The following ANO6 variants were observed in gnomAD, a reference collection of about 807,000 sequenced individuals.
ANO6 encodes anoctamin 6, also known as anoctamin-6.
Under a neutral mutation model 117.5 loss-of-function variants are expected in ANO6, and 106 were observed. The ratio of observed to expected loss-of-function variants is 0.90; its 90% CI spans 0.77 to 1.06. The LOEUF (loss-of-function observed/expected upper bound fraction) is 1.06. Ranked by LOEUF, ANO6 falls within the 50% of genes least tolerant of loss-of-function variation. The probability of loss-of-function intolerance (pLI) is 0.00; values close to 1 mark genes in which losing one functional copy is unlikely to be tolerated. For missense variants in ANO6, 955 were observed against 1,121.1 expected, an observed-to-expected ratio of 0.85 and a Z score of 2.12; for synonymous variants, 367 against 385.1, an observed-to-expected ratio of 0.95 and a Z score of 0.55.
At position 45,348,216 on chromosome 12, in the gene ANO6, G is replaced by A. The variant is rs557069044; in HGVS notation, c.534G>A (p.Glu178=). Residue 178 remains glutamate (E), a synonymous_variant, in exon 5 of 20, where the codon GAG becomes GAA. Coordinates refer to ENST00000320560, the MANE Select transcript of ANO6 (RefSeq NM_001025356.3). The stretch of plus-strand genomic sequence containing the variant: ...TAGACGAAAGCATCATCAAGCCAGA[G>A]CAAGAGTTTTTCACTGCCCCATTTG... The part of the protein sequence containing the change: ...LSVDESIIKP[E]QEFFTAPFEK... 78 of 1,613,988 alleles carry A rather than the reference G, an allele frequency of 4.8e-5. No individual in the cohort carries two copies. In the South Asian group the frequency reaches 8.0e-4, roughly 17 times the overall value.
intron 15 of ANO6, among the ~76,000 whole-genome samples, chr12:45,408,515 A>G (rs1334190899): frequency 6.6e-6 from 1 of 152,254 alleles, no homozygotes; most frequent in East Asian, 1.9e-4. Flanking sequence ...GCGGGGCAGT[A>G]TCCACGGGTG....
intron 1 of ANO6, among the ~76,000 whole-genome samples, chr12:45,250,526 A>G (rs1348087401): frequency 2.0e-5 from 3 of 151,960 alleles, no homozygotes; most frequent in African/African-American, 7.3e-5. Context: ...TTGAGTAGCT[A>G]GGAGTATAGG....
At chr12:45,332,570 C>G (rs1276060559) in intron 3 of ANO6, among the ~76,000 whole-genome samples, 1 of 152,008 alleles carries the variant, frequency 6.6e-6, no homozygotes, top group East Asian at 1.9e-4. Flanking sequence ...TTCTGCCACT[C>G]TGTTGGAGTA....
Position 45,401,810 on chromosome 12 carries a change from G to C in ANO6, c.1402G>C (p.Ala468Pro), listed in dbSNP as rs551219497. The C allele has an allele frequency of 1.9e-6, 3 of 1,612,990 alleles. No individual in the cohort carries two copies. Among genetic ancestry groups the C allele is most frequent in the Non-Finnish European group, 2.5e-6 (3 of 1,179,748 alleles). The change falls in exon 13 of 20, where the codon GCT becomes CCT. Residue 468 changes from alanine (A) to proline (P), a missense_variant. Transcript: ENST00000320560. ...GTGCTTTCAGATCCTATTGATCATC[G>C]CTTCAGTTATTGGGATCATTGTCTA... Reference protein sequence around the residue: ...AVFFWILLIIASVIGIIVYRL... With the variant: ...AVFFWILLIIPSVIGIIVYRL...
chr12:45,421,740 G>A (rs1355521260), intron 18 of ANO6, among the ~76,000 whole-genome samples: 1 of 152,142 alleles, frequency 6.6e-6, no homozygotes, highest in Non-Finnish European at 1.5e-5. Flanking sequence ...TCACATAACA[G>A]GGACATACAA....
intron 1 of ANO6, among the ~76,000 whole-genome samples, chr12:45,301,167 T>C (rs1416600816): frequency 3.3e-5 from 5 of 152,218 alleles, no homozygotes; most frequent in Non-Finnish European, 7.3e-5. Context: ...TTACACTGAT[T>C]ACATGTTCAA....
chr12:45,247,946 A>G (rs537175796), intron 1 of ANO6, among the ~76,000 whole-genome samples: 2 of 152,352 alleles, frequency 1.3e-5, no homozygotes, highest in Admixed American at 1.3e-4. Flanking sequence ...AACAGATACA[A>G]TATGGATAGT....
At chr12:45,416,515 C>G (rs768929218) in intron 16 of ANO6, among the ~76,000 whole-genome samples, 184 bp from the exon 17 acceptor site, 2 of 152,148 alleles carry the variant, frequency 1.3e-5, no homozygotes, top group African/African-American at 2.4e-5. Context: ...AATCTTCTTT[C>G]CAGAGATTTT....
At chr12:45,304,057 G>C (rs1049931402) in intron 2 of ANO6, among the ~76,000 whole-genome samples, 1 of 152,118 alleles carries the variant, frequency 6.6e-6, no homozygotes, top group African/African-American at 2.4e-5. Flanking sequence ...CTTGTGCTTC[G>C]TAGATTTTCA....
At chr12:45,226,979 AT>A (rs1421683821) in intron 1 of ANO6, among the ~76,000 whole-genome samples, 3 of 133,838 alleles carry the variant, frequency 2.2e-5, no homozygotes, top group Admixed American at 7.5e-5. Flanking sequence ...AAAAATTATC[AT>A]TTTCTTTTTT....
chr12:45,306,839 G>T (rs34759896), intron 2 of ANO6, among the ~76,000 whole-genome samples: 8,230 of 151,698 alleles, frequency 0.054, 538 homozygotes, highest in East Asian at 0.35. Flanking sequence ...ATGTGTTGGG[G>T]GGGTGGTGAC....
intron 1 of ANO6, among the ~76,000 whole-genome samples, chr12:45,262,454 G>A (rs577445821): frequency 6.7e-6 from 1 of 149,546 alleles, no homozygotes; most frequent in East Asian, 2.0e-4. Context: ...ACGGAGTTTC[G>A]CTCTTGTTGC....
At chr12:45,361,699 A>G (rs754309095) in intron 8 of ANO6, among the ~76,000 whole-genome samples, 17 of 152,184 alleles carry the variant, frequency 1.1e-4, no homozygotes, top group Middle Eastern at 3.4e-3. Flanking sequence ...TAATCATGGA[A>G]TGATGTTGGA....
In ANO6 at chr12:45,331,165, T is replaced by C. The variant is rs1940648687; in HGVS notation, c.151-130T>C. 3 of 774,620 alleles carry C rather than the reference T, an allele frequency of 3.9e-6. No individual in the cohort carries two copies. The East Asian group carries it at 8.2e-5, about 21-fold the overall frequency. The allele number at this position is 774,620 out of a possible 1,614,324, so 48.0% of individuals were successfully genotyped here. A position where few individuals can be genotyped will look rare whatever the true frequency, so the allele number is the denominator to read the frequency against. ...GTCAGTCATAGTGGCCATGACTGTT[T>C]GGTAAGCTAACTAGTAGTGGATGTA... On this transcript the variant is annotated intron_variant, in intron 2 of 19. Transcript: ENST00000320560.
intron 1 of ANO6, among the ~76,000 whole-genome samples, chr12:45,288,402 C>T (rs537769101): frequency 2.0e-5 from 3 of 152,224 alleles, no homozygotes; most frequent in Admixed American, 1.3e-4. Context: ...AATAACTCCC[C>T]ATTCCCCCTT....
At chr12:45,438,741 G>A (rs1258982339) in intron 19 of ANO6, among the ~76,000 whole-genome samples, 1 of 152,170 alleles carries the variant, frequency 6.6e-6, no homozygotes, top group Non-Finnish European at 1.5e-5. Context: ...TTGTAGTAGT[G>A]TGACTAGTGT....
intron 3 of ANO6, among the ~76,000 whole-genome samples, chr12:45,341,338 A>G (rs796328281): frequency 3.3e-5 from 5 of 152,242 alleles, no homozygotes; most frequent in African/African-American, 1.2e-4. Flanking sequence ...TGGATGCACA[A>G]GATTTTTCAT....
At chr12:45,376,177 G>A (rs1367152839) in intron 9 of ANO6, among the ~76,000 whole-genome samples, 1 of 148,852 alleles carries the variant, frequency 6.7e-6, no homozygotes, top group Non-Finnish European at 1.5e-5. Context: ...AGTTAGAATG[G>A]CAATCATTAA....
At chr12:45,257,345 C>G (rs1937871012) in intron 1 of ANO6, among the ~76,000 whole-genome samples, 1 of 152,198 alleles carries the variant, frequency 6.6e-6, no homozygotes. Context: ...TCATTGTTAA[C>G]CCCAGTCTGC....
Sources: allele counts gnomAD v4.1 joint callset (sites outside exome capture counted in the v4.1 genomes callset), GRCh38; gene constraint gnomAD v4.1.1; transcripts MANE v1.5; gene names NCBI Gene and HGNC (gene_info 2026-07-23, HGNC 2026-07-21).